The following MACROD2 variants were observed in gnomAD, a reference collection of about 807,000 sequenced individuals.
MACROD2 encodes mono-ADP ribosylhydrolase 2.
In MACROD2, 36 loss-of-function variants were observed where a neutral mutation model predicts 70.4. The observed-to-expected ratio is 0.51, with a 90% confidence interval of 0.39 to 0.68. The LOEUF is 0.68. MACROD2 is among the 30% of genes least tolerant of loss of function. MACROD2 has a pLI of 0.00. For synonymous variants in MACROD2, 172 were observed against 178.8 expected (o/e 0.96, Z 0.30); for missense variants, 496 against 538.4 (o/e 0.92, Z 0.78).
intron 3 of MACROD2, among the ~76,000 whole-genome samples, chr20:14,150,718 T>A (rs2055007686): frequency 6.6e-6 from 1 of 152,158 alleles, no homozygotes; most frequent in Non-Finnish European, 1.5e-5. Flanking sequence ...CTGGAATCAA[T>A]TCAGATAAAA....
Position 14,275,728 on chromosome 20 carries a change from C to T in MACROD2, c.271+190000C>T, listed in dbSNP as rs1487342859. ...AATGGGAGAAAATTTTCACAACCTA[C>T]TCATCTGACAAAGGGCTAATATCCA... is the stretch of plus-strand genomic sequence containing the variant. On this transcript the variant is annotated intron_variant, in intron 3 of 17. Coordinates refer to ENST00000684519, the MANE Select transcript of MACROD2 (RefSeq NM_001351661.2). Among the ~76,000 whole-genome samples the T allele has an allele frequency of 3.9e-5, 6 of 152,270 alleles. No homozygotes were observed. The East Asian group carries it at 1.2e-3, about 29-fold the overall frequency.
chr20:14,106,863 A>G (rs887518945), intron 3 of MACROD2, among the ~76,000 whole-genome samples: 1 of 152,192 alleles, frequency 6.6e-6, no homozygotes, highest in Non-Finnish European at 1.5e-5. Flanking sequence ...CAAGAACCAC[A>G]GTGTTTTTGG....
chr20:15,437,224 T>C (rs968040762), intron 7 of MACROD2, among the ~76,000 whole-genome samples: 1 of 152,222 alleles, frequency 6.6e-6, no homozygotes, highest in Admixed American at 6.5e-5. Context: ...AACATTTCTC[T>C]GGACTATGTT....
At chr20:15,698,443 G>C (rs6043457) in intron 8 of MACROD2, among the ~76,000 whole-genome samples, 1 of 152,164 alleles carries the variant, frequency 6.6e-6, no homozygotes, top group African/African-American at 2.4e-5. Flanking sequence ...TGAGAAATCT[G>C]CTGTTAATCT....
chr20:15,562,871 G>T (rs2146610231), intron 8 of MACROD2, among the ~76,000 whole-genome samples: 1 of 152,306 alleles, frequency 6.6e-6, no homozygotes, highest in Non-Finnish European at 1.5e-5. Context: ...TTAGAAAGGA[G>T]ATAGTTGCAT....
intron 5 of MACROD2, among the ~76,000 whole-genome samples, chr20:14,990,667 C>A (rs1378653546): frequency 1.3e-5 from 2 of 151,996 alleles, no homozygotes; most frequent in African/African-American, 4.8e-5. Context: ...GCACTCACCA[C>A]CACTCCCGGA....
intron 4 of MACROD2, among the ~76,000 whole-genome samples, chr20:14,643,159 A>G (rs553786556): frequency 6.6e-6 from 1 of 152,326 alleles, no homozygotes; most frequent in African/African-American, 2.4e-5. Flanking sequence ...CTCTGCTTTC[A>G]AAGTACTGTT....
chr20:15,212,641 C>A (rs1376689990), intron 5 of MACROD2, among the ~76,000 whole-genome samples: 1 of 152,178 alleles, frequency 6.6e-6, no homozygotes, highest in Admixed American at 6.5e-5. Context: ...GCTGTGGGTG[C>A]AGTTGGTGTG....
chr20:14,406,884 G>C (rs1374005465), intron 3 of MACROD2, among the ~76,000 whole-genome samples: 5 of 152,044 alleles, frequency 3.3e-5, no homozygotes, highest in African/African-American at 1.2e-4. Context: ...TTTCTTTGTA[G>C]GAAGGGCTCA....
chr20:15,879,298 C>T lies in MACROD2; in HGVS notation c.728-6466C>T, dbSNP rs1446163742. On this transcript the variant is annotated intron_variant, in intron 9 of 17. Transcript: ENST00000684519. ...CTAACTACTTTCAAACTTTGAGTGG[C>T]ATGACTCCCTACTTCCATAGACTAT... 2.6e-5 allele frequency among the ~76,000 whole-genome samples: 4 copies of T among 152,212 alleles called. No homozygotes were observed. In the East Asian group the frequency reaches 7.7e-4, roughly 29 times the overall value.
At chr20:14,832,264 T>G (rs557813592) in intron 5 of MACROD2, among the ~76,000 whole-genome samples, 6 of 151,966 alleles carry the variant, frequency 3.9e-5, no homozygotes, top group Non-Finnish European at 7.4e-5. Flanking sequence ...CTCGAGTTCT[T>G]TAACTACTTG....
At chr20:14,757,691 G>A in intron 5 of MACROD2, 2 of 1,444,862 alleles carry the variant, frequency 1.4e-6, no homozygotes, top group Non-Finnish European at 1.9e-6. Context: ...CAACCTTCCT[G>A]TCATAAAGGC....
At chr20:15,638,611 G>A (rs187608671) in intron 8 of MACROD2, among the ~76,000 whole-genome samples, 9 of 152,256 alleles carry the variant, frequency 5.9e-5, no homozygotes, top group African/African-American at 1.9e-4. Flanking sequence ...TGGCCTCTAG[G>A]AACTTAATTA....
intron 8 of MACROD2, among the ~76,000 whole-genome samples, chr20:15,505,695 A>G (rs2047417719): frequency 6.6e-6 from 1 of 152,162 alleles, no homozygotes; most frequent in South Asian, 2.1e-4. Flanking sequence ...TCAATGGAGA[A>G]GTGTTTGGTT....
In MACROD2 at chr20:14,744,571, C is replaced by T. The variant is rs6034025; in HGVS notation, c.418+59612C>T. Among the ~76,000 whole-genome samples the T allele has an allele frequency of 8.1e-3, 1,236 of 152,148 alleles. 14 individuals are homozygous for T. The highest frequency in any genetic ancestry group is 0.028 in the African/African-American group (1,178 of 41,500). ...TAGTAGCTTGTGAGAAAATGGCGGT[C>T]ATAGTTCACATCTGTATTTTCACAC... On this transcript the variant is annotated intron_variant, in intron 5 of 17. Transcript: ENST00000684519.
chr20:14,440,943 A>C (rs2084115016), intron 3 of MACROD2, among the ~76,000 whole-genome samples: 1 of 152,168 alleles, frequency 6.6e-6, no homozygotes, highest in African/African-American at 2.4e-5. Flanking sequence ...ATGGCATGGT[A>C]AACAGAGCCT....
At chr20:14,124,633 G>A (rs1306795940) in intron 3 of MACROD2, among the ~76,000 whole-genome samples, 1 of 152,068 alleles carries the variant, frequency 6.6e-6, no homozygotes, top group Non-Finnish European at 1.5e-5. Flanking sequence ...AGGAAGTGGT[G>A]AGAATGGAAT....
In MACROD2 at chr20:14,326,571, C is replaced by G. The variant is rs1459880498; in HGVS notation, c.272-166908C>G. ...GTAACCAGTCACGTACCCATTTCAT[C>G]TTGCACCCGCAATACCAGGGATTGT... On this transcript the variant is annotated intron_variant, in intron 3 of 17. Transcript: ENST00000684519. The surrounding 1 kb of genome is among the most constrained non-coding windows in gnomAD (Gnocchi z 5.5). The G allele has an allele frequency of 6.2e-7, 1 of 1,613,910 alleles. No individual in the cohort carries two copies. Among genetic ancestry groups the G allele is most frequent in the African/African-American group, 1.3e-5 (1 of 75,022 alleles).
At chr20:14,646,249 A>G (rs957516079) in intron 4 of MACROD2, among the ~76,000 whole-genome samples, 13 of 150,222 alleles carry the variant, frequency 8.7e-5, no homozygotes, top group African/African-American at 1.7e-4. Context: ...TCAGCTGCCA[A>G]TCAGGATTCC....
Sources: allele counts gnomAD v4.1 joint callset (sites outside exome capture counted in the v4.1 genomes callset), GRCh38; gene constraint gnomAD v4.1.1; non-coding constraint Gnocchi (gnomAD v3.1); transcripts MANE v1.5; gene names NCBI Gene and HGNC (gene_info 2026-07-23, HGNC 2026-07-21).